Variants in ARB2A observed in about 807,000 individuals in gnomAD.
ARB2A encodes cotranscriptional regulator ARB2A.
the ARB2A span, among the ~76,000 whole-genome samples, chr5:94,075,180 A>G: frequency 6.6e-6 from 1 of 152,058 alleles, no homozygotes; most frequent in Non-Finnish European, 1.5e-5. Flanking sequence ...AGCATGGGCC[A>G]TTTACAAGGT....
the ARB2A span, among the ~76,000 whole-genome samples, chr5:93,679,651 G>T: frequency 6.6e-6 from 1 of 152,108 alleles, no homozygotes; most frequent in Non-Finnish European, 1.5e-5. Flanking sequence ...GCAAGATAAA[G>T]TTGTAAATGA....
chr5:93,682,974 T>C, the ARB2A span: 1 of 1,583,624 alleles, frequency 6.3e-7, no homozygotes, highest in Non-Finnish European at 8.6e-7. Context: ...GCTTGCATTT[T>C]TGCTTTAATG....
At chr5:93,894,934 A>G in the ARB2A span, among the ~76,000 whole-genome samples, 1 of 152,220 alleles carries the variant, frequency 6.6e-6, no homozygotes, top group Non-Finnish European at 1.5e-5. Context: ...ACCTATCTGC[A>G]GATTAGCAGA....
chr5:93,650,099 A>AAAC, the ARB2A span, among the ~76,000 whole-genome samples: 1 of 152,142 alleles, frequency 6.6e-6, no homozygotes, highest in East Asian at 1.9e-4. Context: ...AAACATAAAA[A>AAAC]ATTGAAATCA....
chr5:93,879,388 A>G, the ARB2A span, among the ~76,000 whole-genome samples: 1 of 152,012 alleles, frequency 6.6e-6, no homozygotes, highest in Non-Finnish European at 1.5e-5. Context: ...AAGTTGTATT[A>G]TGTGTTTGGG....
the ARB2A span, among the ~76,000 whole-genome samples, chr5:93,758,636 C>T: frequency 2.6e-5 from 4 of 152,018 alleles, no homozygotes; most frequent in Admixed American, 6.6e-5. Flanking sequence ...AACCTGTTCC[C>T]GAATGAACAT....
the ARB2A span, among the ~76,000 whole-genome samples, chr5:94,090,879 T>C: frequency 1.3e-5 from 2 of 152,248 alleles, no homozygotes; most frequent in Non-Finnish European, 2.9e-5. Flanking sequence ...TCACTAAAAT[T>C]ATCATCACTA....
At chr5:93,668,752 A>C in the ARB2A span, among the ~76,000 whole-genome samples, 1 of 152,166 alleles carries the variant, frequency 6.6e-6, no homozygotes. Context: ...CTTTGATAAA[A>C]GCTATTCTTA....
the ARB2A span, among the ~76,000 whole-genome samples, chr5:93,996,148 A>G: frequency 7.2e-5 from 11 of 152,050 alleles, no homozygotes; most frequent in African/African-American, 2.4e-4. Context: ...GAAAGATGTG[A>G]AAGTTTTGGT....
the ARB2A span, among the ~76,000 whole-genome samples, chr5:93,937,579 T>C: frequency 2.0e-5 from 3 of 151,682 alleles, no homozygotes; most frequent in Non-Finnish European, 2.9e-5. Context: ...GCCACTGCAC[T>C]CCAGCCTGGT....
chr5:93,744,325 C>T, the ARB2A span, among the ~76,000 whole-genome samples: 1 of 149,504 alleles, frequency 6.7e-6, no homozygotes, highest in Admixed American at 6.7e-5. Flanking sequence ...ATCCCAGCTA[C>T]TCAGGAGGCT....
At chr5:93,844,120 C>CA in the ARB2A span, among the ~76,000 whole-genome samples, 7,643 of 122,200 alleles carry the variant, frequency 0.063, 532 homozygotes, top group African/African-American at 0.19. Context: ...GATAAAAAAA[C>CA]AAAAAAAAAA....
At chr5:93,679,268 A>C in the ARB2A span, among the ~76,000 whole-genome samples, 49 of 151,580 alleles carry the variant, frequency 3.2e-4, no homozygotes, top group East Asian at 8.5e-3. Context: ...GCAGGAGAGA[A>C]ATACCCTATT....
At chr5:93,619,225 G>A in the ARB2A span, 1 of 152,194 alleles carries the variant, frequency 6.6e-6, no homozygotes, top group Non-Finnish European at 1.5e-5. Context: ...GCTTGATGTT[G>A]TTGGGGTTTA....
chr5:93,745,286 T>G, the ARB2A span, among the ~76,000 whole-genome samples: 2 of 152,202 alleles, frequency 1.3e-5, no homozygotes, highest in Admixed American at 6.5e-5. Flanking sequence ...CCCTCTAAAC[T>G]TACTGTGATT....
chr5:93,684,401 C>A, the ARB2A span, among the ~76,000 whole-genome samples: 9 of 152,166 alleles, frequency 5.9e-5, no homozygotes, highest in African/African-American at 2.2e-4. Flanking sequence ...GGGTAGCACT[C>A]AATACAGGCT....
At chr5:94,068,211 G>A in the ARB2A span, among the ~76,000 whole-genome samples, 2 of 152,210 alleles carry the variant, frequency 1.3e-5, no homozygotes, top group Non-Finnish European at 2.9e-5. Flanking sequence ...TCTATTAGAA[G>A]CTGTGGAACC....
chr5:93,780,567 CTCTTTCTT>C, the ARB2A span, among the ~76,000 whole-genome samples: 1 of 148,702 alleles, frequency 6.7e-6, no homozygotes, highest in African/African-American at 2.5e-5. Context: ...CTCTCTTTCT[CTCTTTCTT>C]TCTTTTGGAG....
At chr5:94,040,865 TG>T in the ARB2A span, among the ~76,000 whole-genome samples, 1 of 152,130 alleles carries the variant, frequency 6.6e-6, no homozygotes, top group Non-Finnish European at 1.5e-5. Context: ...AGTTTGATAT[TG>T]GGTGCTAAGC....
Sources: allele counts gnomAD v4.1 joint callset (sites outside exome capture counted in the v4.1 genomes callset), GRCh38; gene constraint gnomAD v4.1.1; transcripts MANE v1.5; gene names NCBI Gene and HGNC (gene_info 2026-07-23, HGNC 2026-07-21).